VIPR2: variants seen among roughly 807,000 people sequenced by gnomAD.
The protein encoded by VIPR2 is vasoactive intestinal peptide receptor 2, also known as vasoactive intestinal polypeptide receptor 2.
A neutral mutation model predicts 58.0 loss-of-function variants in VIPR2; 48 were observed. That is an observed-to-expected ratio of 0.83 (90% CI 0.66 to 1.05). The LOEUF is 1.05. VIPR2 is among the 50% of genes least tolerant of loss of function. The pLI is 0.00. For synonymous variants in VIPR2, 243 were observed against 235.2 expected (o/e 1.03, Z -0.30); for missense variants, 534 against 558.0 (o/e 0.96, Z 0.43).
intron 2 of VIPR2, among the ~76,000 whole-genome samples, chr7:159,110,695 A>AAAAACAAAC (rs1554517389): frequency 0.032 from 1,322 of 40,926 alleles, 7 homozygotes; most frequent in Middle Eastern, 0.066. Context: ...CTTGGTCGGT[A>AAAAACAAAC]AAACAAACAA....
rs1796688296 is a variant in VIPR2 at position 159,127,272 on chromosome 7, A to G, written c.151+15174T>C. Among the ~76,000 whole-genome samples the G allele has an allele frequency of 6.6e-6, 1 of 152,236 alleles. No homozygotes were observed. The highest frequency in any genetic ancestry group is 1.5e-5 in the Non-Finnish European group (1 of 68,036). ...CCCTTAGGAGGCACCTGGAAACTGG[A>G]TCACAGCAGAATTCTGAATTTCAGA... is the stretch of plus-strand genomic sequence containing the variant. On this transcript the variant is annotated intron_variant, in intron 2 of 12. Transcript: ENST00000262178. This position sits in a 1 kb window ranked among gnomAD's most constrained non-coding sequence, Gnocchi z 4.6.
At chr7:159,075,073 C>A (rs961256806) in intron 4 of VIPR2, among the ~76,000 whole-genome samples, 4 of 152,218 alleles carry the variant, frequency 2.6e-5, no homozygotes, top group African/African-American at 9.6e-5. Flanking sequence ...ACCTCTTGTT[C>A]TGTTAGCCTT....
chr7:159,106,453 GAGGGGCAGAGAGAGGCCAGGA>G (rs1858657783), intron 3 of VIPR2, among the ~76,000 whole-genome samples: 7 of 150,458 alleles, frequency 4.7e-5, no homozygotes, highest in Non-Finnish European at 7.4e-5. Flanking sequence ...AGAGGCCAGG[GAGGGGCAGAGAGAGGCCAGGA>G]AGGGGCAGAG....
At chr7:159,105,175 G>C (rs965693412) in intron 3 of VIPR2, among the ~76,000 whole-genome samples, 3 of 152,180 alleles carry the variant, frequency 2.0e-5, no homozygotes, top group Non-Finnish European at 4.4e-5. Context: ...TGTCCGAGCC[G>C]TAAGAATAAA....
intron 4 of VIPR2, among the ~76,000 whole-genome samples, chr7:159,066,823 C>T (rs1223350828): frequency 1.3e-5 from 2 of 152,222 alleles, no homozygotes; most frequent in Non-Finnish European, 2.9e-5. Flanking sequence ...GTTAGTATAA[C>T]TCCTCAAATA....
At chr7:159,086,820 T>C (rs1354095918) in intron 4 of VIPR2, among the ~76,000 whole-genome samples, 1 of 152,202 alleles carries the variant, frequency 6.6e-6, no homozygotes, top group African/African-American at 2.4e-5. Flanking sequence ...CTGATACCCA[T>C]GTAATAAACA....
rs139114945 is a variant in VIPR2, at chr7:159,086,639, C to T, written c.357+17118G>A. On this transcript the variant is annotated intron_variant, in intron 4 of 12. Transcript: ENST00000262178. Reference sequence around the variant, plus strand: ...ATGCTCTTCCTCTTTACATGGGCCACCTGGGTGTGACAGCTGCGCTGATTC... The same window carrying T: ...ATGCTCTTCCTCTTTACATGGGCCATCTGGGTGTGACAGCTGCGCTGATTC... Among the ~76,000 whole-genome samples, 548 of 152,340 alleles carry T rather than the reference C, an allele frequency of 3.6e-3. 6 individuals carry two copies. Among genetic ancestry groups the T allele is most frequent in the African/African-American group, 0.013 (521 of 41,578 alleles).
At chr7:159,117,565 C>T (rs542151085) in intron 2 of VIPR2, among the ~76,000 whole-genome samples, 5 of 152,324 alleles carry the variant, frequency 3.3e-5, no homozygotes, top group Non-Finnish European at 7.3e-5. Flanking sequence ...ATGCTTGCCA[C>T]GCAGCTCATG....
chr7:159,117,090 C>G (rs1796263734), intron 2 of VIPR2: 4 of 533,618 alleles, frequency 7.5e-6, no homozygotes, highest in Non-Finnish European at 1.3e-5. Flanking sequence ...GCGAGAGCCC[C>G]TGTCCTCACA....
chr7:159,117,331 G>A, intron 2 of VIPR2: 1 of 717,504 alleles, frequency 1.4e-6, no homozygotes, highest in South Asian at 1.5e-5. Context: ...TGGTCATGGA[G>A]CCAATGGGTA....
chr7:159,101,209 C>T lies in VIPR2; in HGVS notation c.357+2548G>A, dbSNP rs112431071. On this transcript the variant is annotated intron_variant, in intron 4 of 12. Transcript: ENST00000262178. ...GATAGTGAACGGGTCTCACGAGATCCGACGAGGCCGTTCCCCCGACTGTTC... is the reference window on the plus strand; with the variant it reads ...GATAGTGAACGGGTCTCACGAGATCTGACGAGGCCGTTCCCCCGACTGTTC... Among the ~76,000 whole-genome samples, 791 of 140,686 alleles carry T rather than the reference C, an allele frequency of 5.6e-3. 10 individuals carry two copies. Among genetic ancestry groups the T allele is most frequent in the African/African-American group, 0.021 (750 of 36,402 alleles). The allele number at this position is 140,686 out of a possible 152,430, so 92.3% of individuals were successfully genotyped here.
intron 2 of VIPR2, chr7:159,117,425 A>G (rs1195684065): frequency 1.4e-6 from 1 of 717,460 alleles, no homozygotes; most frequent in South Asian, 1.5e-5. Flanking sequence ...AGACAGGATA[A>G]CAGTGAGCAC....
chr7:159,050,582 C>T (rs997599398), intron 5 of VIPR2, among the ~76,000 whole-genome samples: 2 of 151,742 alleles, frequency 1.3e-5, no homozygotes, highest in East Asian at 1.9e-4. Flanking sequence ...ACAGCAGATG[C>T]GAGTACCATG....
At chr7:159,078,242 T>C (rs897692170) in intron 4 of VIPR2, among the ~76,000 whole-genome samples, 2 of 152,252 alleles carry the variant, frequency 1.3e-5, no homozygotes, top group Admixed American at 6.5e-5. Flanking sequence ...GGCTTCCCTC[T>C]GAACTGAGAG....
chr7:159,109,187 A>G lies in VIPR2; in HGVS notation c.259+625T>C, dbSNP rs376901860. The stretch of plus-strand genomic sequence containing the variant: ...TGAATAGATTTCTTCACACTATGAA[A>G]ATCTGAATCACTCACAAAAACAAAC... On this transcript the variant is annotated intron_variant, in intron 3 of 12. Transcript: ENST00000262178. Among the ~76,000 whole-genome samples the G allele has an allele frequency of 3.9e-5, 6 of 152,354 alleles. No homozygotes were observed. The East Asian group carries it at 1.2e-3, about 29-fold the overall frequency.
At chr7:159,037,367 TGCAGGGGCCCA>T (rs1313206960) in intron 6 of VIPR2, among the ~76,000 whole-genome samples, 1 of 152,032 alleles carries the variant, frequency 6.6e-6, no homozygotes, top group Non-Finnish European at 1.5e-5. Context: ...GCAGGGGCCC[TGCAGGGGCCCA>T]GGGCTCTGGC....
intron 4 of VIPR2, among the ~76,000 whole-genome samples, chr7:159,086,466 A>G (rs774657245): frequency 6.6e-6 from 1 of 152,236 alleles, no homozygotes; most frequent in Non-Finnish European, 1.5e-5. Context: ...TGGATCCTGC[A>G]CCATGGCTGC....
chr7:159,140,508 T>C (rs1262847728), intron 2 of VIPR2, among the ~76,000 whole-genome samples: 2 of 152,246 alleles, frequency 1.3e-5, no homozygotes, highest in Non-Finnish European at 2.9e-5. Context: ...TGAAGGGCAG[T>C]GTCTTGTTAC....
intron 3 of VIPR2, among the ~76,000 whole-genome samples, chr7:159,105,164 G>A (rs191634498): frequency 7.2e-5 from 11 of 152,292 alleles, no homozygotes; most frequent in East Asian, 5.8e-4. Flanking sequence ...GCTCTCGAAG[G>A]TGTCCGAGCC....
Sources: allele counts gnomAD v4.1 joint callset (sites outside exome capture counted in the v4.1 genomes callset), GRCh38; gene constraint gnomAD v4.1.1; non-coding constraint Gnocchi (gnomAD v3.1); transcripts MANE v1.5; gene names NCBI Gene and HGNC (gene_info 2026-07-23, HGNC 2026-07-21).